ARHGAP6: variants seen among roughly 807,000 people sequenced by gnomAD.
ARHGAP6 encodes the protein Rho GTPase activating protein 6, also known as rho GTPase-activating protein 6.
Under a neutral mutation model 55.7 loss-of-function variants are expected in ARHGAP6, and 16 were observed. The ratio of observed to expected loss-of-function variants is 0.29; its 90% CI spans 0.19 to 0.44. The LOEUF is 0.44. Among genes scored for constraint, ARHGAP6 ranks in the 20% least tolerant of loss-of-function variants. The pLI, the probability that ARHGAP6 is intolerant of heterozygous loss-of-function variation, is 1.00. For synonymous variants in ARHGAP6, 382 were observed against 360.9 expected (o/e 1.06, Z -0.66); for missense variants, 698 against 808.9 (o/e 0.86, Z 1.66).
intron 2 of ARHGAP6, among the ~76,000 whole-genome samples, chrX:11,211,542 T>TTTG (rs1299218162): frequency 1.9e-5 from 2 of 104,784 alleles, no homozygotes; most frequent in Admixed American, 1.0e-4. Flanking sequence ...TGAGAACAGT[T>TTTG]TTGTTGTTGT....
chrX:11,191,518 C>T (rs909220817), intron 3 of ARHGAP6, among the ~76,000 whole-genome samples: 6 of 111,832 alleles, frequency 5.4e-5, no homozygotes, highest in African/African-American at 2.0e-4. Flanking sequence ...ATATTTTGTA[C>T]TAAATTTATT....
chrX:11,226,775 C>T (rs1375199795), intron 2 of ARHGAP6, among the ~76,000 whole-genome samples: 1 of 111,776 alleles, frequency 8.9e-6, no homozygotes, highest in Non-Finnish European at 1.9e-5. Flanking sequence ...CTGAGTATCT[C>T]TTTTATTTCC....
At chrX:11,423,195 C>A (rs771041027) in intron 1 of ARHGAP6, among the ~76,000 whole-genome samples, 2 of 112,967 alleles carry the variant, frequency 1.8e-5, no homozygotes, top group African/African-American at 6.4e-5. Flanking sequence ...ACACTGTTAG[C>A]ACCGATGGAT....
At chrX:11,612,314 G>A (rs781208094) in intron 1 of ARHGAP6, among the ~76,000 whole-genome samples, 1 of 112,165 alleles carries the variant, frequency 8.9e-6, no homozygotes, top group South Asian at 3.7e-4. Flanking sequence ...AACTGACTAA[G>A]GTCTTCCAAT....
chrX:11,585,483 A>G (rs377166445), intron 1 of ARHGAP6, among the ~76,000 whole-genome samples: 1 of 112,117 alleles, frequency 8.9e-6, no homozygotes, highest in African/African-American at 3.2e-5. Flanking sequence ...GACTGGTGTG[A>G]GATAGTATCT....
chrX:11,630,131 A>G (rs971751874), intron 1 of ARHGAP6, among the ~76,000 whole-genome samples: 1 of 111,396 alleles, frequency 9.0e-6, no homozygotes, highest in Non-Finnish European at 1.9e-5. Context: ...GGATCAACAA[A>G]AATGTATTAC....
intron 1 of ARHGAP6, among the ~76,000 whole-genome samples, chrX:11,520,359 T>C (rs1298276595): frequency 9.8e-6 from 1 of 102,389 alleles, no homozygotes; most frequent in Non-Finnish European, 2.0e-5. Context: ...CCCCTTCCTG[T>C]GTCCAAGTGT....
chrX:11,583,400 C>T (rs1363216504), intron 1 of ARHGAP6, among the ~76,000 whole-genome samples: 2 of 111,996 alleles, frequency 1.8e-5, no homozygotes, highest in African/African-American at 3.2e-5. Flanking sequence ...AAGGGCTATT[C>T]GATATTAGAC....
chrX:11,309,928 G>C (rs1398705997), intron 1 of ARHGAP6, among the ~76,000 whole-genome samples: 1 of 110,439 alleles, frequency 9.1e-6, no homozygotes, highest in Non-Finnish European at 1.9e-5. Flanking sequence ...AAGGTGGGCG[G>C]ATCACTTGAG....
At chrX:11,396,628 C>A (rs1210710616) in intron 1 of ARHGAP6, among the ~76,000 whole-genome samples, 1 of 111,486 alleles carries the variant, frequency 9.0e-6, no homozygotes, top group Admixed American at 9.5e-5. Context: ...ACTTAGAAGG[C>A]AAGGTAACAT....
chrX:11,340,545 C>A (rs1267540541), intron 1 of ARHGAP6, among the ~76,000 whole-genome samples: 1 of 110,704 alleles, frequency 9.0e-6, no homozygotes. Context: ...CTGGCTAACA[C>A]GGTGAAACCC....
At chrX:11,143,670 C>A in intron 11 of ARHGAP6, 1 of 1,025,976 alleles carries the variant, frequency 9.7e-7, no homozygotes, top group Non-Finnish European at 1.2e-6. Flanking sequence ...CATAAAGTTC[C>A]TAGGATGCTG....
At chrX:11,486,027 C>A (rs187821333) in intron 1 of ARHGAP6, among the ~76,000 whole-genome samples, 8 of 111,651 alleles carry the variant, frequency 7.2e-5, no homozygotes, top group South Asian at 3.8e-4. Flanking sequence ...TAGAAATCAC[C>A]GGTAGGCATA....
At chrX:11,530,102 A>G (rs2051032279) in intron 1 of ARHGAP6, among the ~76,000 whole-genome samples, 1 of 111,397 alleles carries the variant, frequency 9.0e-6, no homozygotes, top group African/African-American at 3.3e-5. Context: ...TACCAAGGAA[A>G]ATTCTGCTGA....
intron 1 of ARHGAP6, among the ~76,000 whole-genome samples, chrX:11,426,374 A>G (rs1311516361): frequency 1.0e-5 from 1 of 100,459 alleles, no homozygotes; most frequent in Admixed American, 1.0e-4. Context: ...TTTTTTTTTT[A>G]TGTTGGGGAC....
chrX:11,542,623 C>T (rs1363008108), intron 1 of ARHGAP6, among the ~76,000 whole-genome samples: 3 of 111,148 alleles, frequency 2.7e-5, no homozygotes, highest in Non-Finnish European at 5.7e-5. Flanking sequence ...ATGCCCATGC[C>T]CCTGCCCCAA....
intron 1 of ARHGAP6, among the ~76,000 whole-genome samples, chrX:11,578,028 A>G (rs2051622292): frequency 8.9e-6 from 1 of 111,872 alleles, no homozygotes; most frequent in Non-Finnish European, 1.9e-5. Context: ...TTTGAAGGAA[A>G]AAAAAGAAGG....
intron 1 of ARHGAP6, among the ~76,000 whole-genome samples, chrX:11,385,273 G>A (rs2049315238): frequency 9.0e-6 from 1 of 111,400 alleles, no homozygotes; most frequent in Non-Finnish European, 1.9e-5. Flanking sequence ...TTGCAACTCT[G>A]AGAAGTATAC....
intron 1 of ARHGAP6, among the ~76,000 whole-genome samples, chrX:11,656,892 T>C (rs1031052678): frequency 1.8e-5 from 2 of 112,532 alleles, no homozygotes; most frequent in Admixed American, 9.4e-5. Context: ...CTCGTCAAAA[T>C]GCAATTAACA....
Sources: allele counts gnomAD v4.1 joint callset (sites outside exome capture counted in the v4.1 genomes callset), GRCh38; gene constraint gnomAD v4.1.1; transcripts MANE v1.5; gene names NCBI Gene and HGNC (gene_info 2026-07-23, HGNC 2026-07-21).